KCNK10: variants seen among roughly 807,000 people sequenced by gnomAD.
KCNK10 encodes the protein potassium two pore domain channel subfamily K member 10, also known as potassium channel subfamily K member 10.
A neutral mutation model predicts 47.7 loss-of-function variants in KCNK10; 25 were observed. That is an observed-to-expected ratio of 0.52 (90% CI 0.38 to 0.73). KCNK10 has a LOEUF of 0.73. Ranked by LOEUF, KCNK10 falls within the 30% of genes least tolerant of loss-of-function variation. The probability of loss-of-function intolerance (pLI) is 0.00; values close to 1 mark genes in which losing one functional copy is unlikely to be tolerated. For synonymous variants in KCNK10, 303 were observed against 285.6 expected, an observed-to-expected ratio of 1.06 and a Z score of -0.61; for missense variants, 563 against 714.5, an observed-to-expected ratio of 0.79 and a Z score of 2.42.
At chr14:88,206,793 A>T (rs368005179) in intron 4 of KCNK10, among the ~76,000 whole-genome samples, 2 of 152,160 alleles carry the variant, frequency 1.3e-5, no homozygotes, top group African/African-American at 4.8e-5. Context: ...TTTGCATTGA[A>T]TTTTTCAGAA....
intron 4 of KCNK10, among the ~76,000 whole-genome samples, chr14:88,220,889 G>C (rs921359416): frequency 6.6e-6 from 1 of 151,920 alleles, no homozygotes; most frequent in African/African-American, 2.4e-5. Flanking sequence ...CCTCTGCTCT[G>C]TTAAAGACAC....
intron 4 of KCNK10, among the ~76,000 whole-genome samples, chr14:88,226,734 C>CAAGG (rs1885998457): frequency 6.6e-6 from 1 of 152,102 alleles, no homozygotes. Flanking sequence ...AAATAAATTC[C>CAAGG]TTGAGTTGAG....
In KCNK10 at chr14:88,199,225, T is replaced by G. The variant is rs60574267; in HGVS notation, c.682-6815A>C. On this transcript the variant is annotated intron_variant, in intron 4 of 6. Transcript: ENST00000319231. ...GTGAGCCACCGTGCCCGGCCCATGATTTTTTTATTCTAGCAGAAAGCTCAG... is the reference window on the plus strand; with the variant it reads ...GTGAGCCACCGTGCCCGGCCCATGAGTTTTTTATTCTAGCAGAAAGCTCAG... Among the ~76,000 whole-genome samples, 27 of 152,210 alleles carry G rather than the reference T, an allele frequency of 1.8e-4. 1 individual carries two copies. The highest frequency in any genetic ancestry group is 6.5e-4 in the African/African-American group (27 of 41,534).
intron 2 of KCNK10, among the ~76,000 whole-genome samples, chr14:88,244,205 G>A (rs187537660): frequency 6.6e-6 from 1 of 151,956 alleles, no homozygotes; most frequent in Non-Finnish European, 1.5e-5. Flanking sequence ...CAGCAAACTC[G>A]GGTTATAACT....
At chr14:88,247,978 T>C (rs1886690873) in intron 2 of KCNK10, among the ~76,000 whole-genome samples, 1 of 152,200 alleles carries the variant, frequency 6.6e-6, no homozygotes, top group African/African-American at 2.4e-5. Context: ...GAATCAGGGA[T>C]AGATGTGTAT....
Position 88,245,405 on chromosome 14 carries a change from G to T in KCNK10, c.403-4585C>A, listed in dbSNP as rs937908962. On this transcript the variant is annotated intron_variant, in intron 2 of 6. Coordinates refer to ENST00000319231, the MANE Select transcript of KCNK10 (RefSeq NM_138317.3). ...TGCAACCTCTCACAAAGTGAGGCGG[G>T]TCTGTAGCTGATGCGCTTAGAAAGA... Among the ~76,000 whole-genome samples, 195 of 152,256 alleles carry T rather than the reference G, an allele frequency of 1.3e-3. 1 individual carries two copies. Among genetic ancestry groups the T allele is most frequent in the African/African-American group, 4.6e-3 (191 of 41,550 alleles).
chr14:88,320,447 A>T (rs1008789062), intron 1 of KCNK10, among the ~76,000 whole-genome samples: 2 of 152,188 alleles, frequency 1.3e-5, no homozygotes, highest in Admixed American at 1.3e-4. Flanking sequence ...TCACAAAATC[A>T]GTCTCACGGT....
chr14:88,257,659 C>T (rs10148709), intron 2 of KCNK10, among the ~76,000 whole-genome samples: 10,763 of 152,268 alleles, frequency 0.071, 681 homozygotes, highest in East Asian at 0.27. Flanking sequence ...CATTTCAGCT[C>T]CTGCTGCCTC....
chr14:88,294,925 A>G (rs947149107), intron 1 of KCNK10, among the ~76,000 whole-genome samples: 17 of 152,216 alleles, frequency 1.1e-4, no homozygotes, highest in African/African-American at 4.1e-4. Flanking sequence ...CTCACTGTAC[A>G]TTCATGAATA....
At chr14:88,214,388 A>C (rs1235379647) in intron 4 of KCNK10, among the ~76,000 whole-genome samples, 1 of 152,210 alleles carries the variant, frequency 6.6e-6, no homozygotes, top group East Asian at 1.9e-4. Flanking sequence ...TTTTAACATT[A>C]AGCAGGTTGT....
chr14:88,190,424 A>T lies in KCNK10; in HGVS notation c.868+1800T>A, dbSNP rs554711508. Among the ~76,000 whole-genome samples, 91 of 152,292 alleles carry T rather than the reference A, an allele frequency of 6.0e-4. 2 individuals carry two copies. The highest frequency in any genetic ancestry group is 4.6e-4 in the Admixed American group (7 of 15,302). On this transcript the variant is annotated intron_variant, in intron 5 of 6. Coordinates refer to ENST00000319231, the MANE Select transcript of KCNK10 (RefSeq NM_138317.3). ...GAGTTTTCCCACGGACCGGCTACGG[A>T]TGATGCCAAGGGATTAACTGGAATA...
At chr14:88,295,329 T>C (rs1009294595) in intron 1 of KCNK10, among the ~76,000 whole-genome samples, 29 of 152,194 alleles carry the variant, frequency 1.9e-4, no homozygotes, top group Admixed American at 2.0e-4. Flanking sequence ...TTTCTCATAA[T>C]TTGCAAAATT....
intron 4 of KCNK10, among the ~76,000 whole-genome samples, chr14:88,210,312 C>T (rs1197540543): frequency 6.6e-6 from 1 of 152,196 alleles, no homozygotes; most frequent in Non-Finnish European, 1.5e-5. Flanking sequence ...GGTCTTGATG[C>T]ATGGCTGTTT....
intron 4 of KCNK10, among the ~76,000 whole-genome samples, chr14:88,203,229 C>T (rs901656654): frequency 2.0e-5 from 3 of 152,160 alleles, no homozygotes; most frequent in African/African-American, 4.8e-5. Flanking sequence ...TGGCTTCCTC[C>T]GGGACCAGTT....
chr14:88,326,408 A>C (rs751796967), upstream of KCNK10: 2 of 1,611,590 alleles, frequency 1.2e-6, no homozygotes, highest in East Asian at 4.5e-5. Context: ...TACAAGCTGG[A>C]CTTCACTTAC....
intron 1 of KCNK10, among the ~76,000 whole-genome samples, chr14:88,287,800 T>C (rs964385170): frequency 1.3e-5 from 2 of 152,050 alleles, no homozygotes; most frequent in African/African-American, 4.8e-5. Context: ...GTGAATTGTG[T>C]TGCTAGAAAC....
At chr14:88,203,547 G>T (rs763696123) in intron 4 of KCNK10, among the ~76,000 whole-genome samples, 1 of 152,194 alleles carries the variant, frequency 6.6e-6, no homozygotes, top group Admixed American at 6.5e-5. Context: ...TGATGTAACT[G>T]CTGTGGGTAA....
At chr14:88,256,530 C>T (rs2139744538) in intron 2 of KCNK10, among the ~76,000 whole-genome samples, 1 of 152,196 alleles carries the variant, frequency 6.6e-6, no homozygotes, top group East Asian at 1.9e-4. Context: ...ACAGTAAACC[C>T]TCTCAATGGA....
intron 1 of KCNK10, among the ~76,000 whole-genome samples, chr14:88,284,211 A>G (rs1887715344): frequency 6.6e-6 from 1 of 152,056 alleles, no homozygotes. Context: ...GAACACCAAG[A>G]AGAAAATCCA....
Sources: gnomAD v4.1 joint callset for allele counts (sites outside exome capture counted in the v4.1 genomes callset) on GRCh38, gnomAD v4.1.1 for gene constraint, MANE v1.5 for transcripts, NCBI Gene and HGNC (gene_info 2026-07-23, HGNC 2026-07-21) for gene names.